PTPRT: variants seen among roughly 807,000 people sequenced by gnomAD.
The protein encoded by PTPRT is protein tyrosine phosphatase receptor type T, also known as receptor-type tyrosine-protein phosphatase T.
A neutral mutation model predicts 176.8 loss-of-function variants in PTPRT; 56 were observed. The ratio of observed to expected loss-of-function variants is 0.32; its 90% CI spans 0.26 to 0.40. The LOEUF is 0.40. Ranked by LOEUF, PTPRT falls within the 10% of genes least tolerant of loss-of-function variation. The probability of loss-of-function intolerance (pLI) is 1.00; values close to 1 mark genes in which losing one functional copy is unlikely to be tolerated. For synonymous variants in PTPRT, 783 were observed against 739.0 expected (o/e 1.06, Z -0.96); for missense variants, 1,540 against 1,908.2 (o/e 0.81, Z 3.60).
chr20:42,879,159 T>C (rs2078976651), intron 2 of PTPRT, among the ~76,000 whole-genome samples: 1 of 152,188 alleles, frequency 6.6e-6, no homozygotes, highest in Non-Finnish European at 1.5e-5. Context: ...GGTTTTAGTT[T>C]CCTAGAACTG....
At chr20:42,541,500 T>C (rs1311406180) in intron 7 of PTPRT, among the ~76,000 whole-genome samples, 2 of 145,818 alleles carry the variant, frequency 1.4e-5, no homozygotes, top group East Asian at 3.9e-4. Context: ...TATCTAGTAC[T>C]AGTGTACTAG....
At chr20:42,136,382 TGA>T (rs904731825) in intron 18 of PTPRT, among the ~76,000 whole-genome samples, 1 of 152,132 alleles carries the variant, frequency 6.6e-6, no homozygotes, top group African/African-American at 2.4e-5. Flanking sequence ...GTAATTCTGC[TGA>T]GACTGCCTGG....
chr20:42,624,810 A>T, intron 7 of PTPRT, among the ~76,000 whole-genome samples: 1 of 152,198 alleles, frequency 6.6e-6, no homozygotes, highest in South Asian at 2.1e-4. Flanking sequence ...TCACAGCCAC[A>T]TTCCACAAAG....
chr20:42,782,310 T>A (rs1350050329), intron 3 of PTPRT, among the ~76,000 whole-genome samples: 1 of 152,174 alleles, frequency 6.6e-6, no homozygotes, highest in Non-Finnish European at 1.5e-5. Context: ...CAGCTGCCAA[T>A]GCACTGATAA....
intron 7 of PTPRT, among the ~76,000 whole-genome samples, chr20:42,598,813 T>C (rs928687407): frequency 2.6e-5 from 4 of 152,194 alleles, no homozygotes; most frequent in Admixed American, 6.5e-5. Flanking sequence ...CCTTCTATTG[T>C]GGCTGCCTCG....
intron 13 of PTPRT, among the ~76,000 whole-genome samples, chr20:42,275,966 GT>G (rs1036213946): frequency 3.9e-5 from 6 of 152,038 alleles, no homozygotes; most frequent in Admixed American, 3.9e-4. Flanking sequence ...ACCTCCAAAA[GT>G]TTGACAAGAT....
In PTPRT at chr20:43,189,485, A is replaced by T. The variant is rs2015482813; in HGVS notation, c.88+161T>A. Among the ~76,000 whole-genome samples, 1 of 151,394 alleles carries T rather than the reference A, an allele frequency of 6.6e-6. No individual in the cohort carries two copies. Among genetic ancestry groups the T allele is most frequent in the South Asian group, 2.1e-4 (1 of 4,784 alleles). ...CTCGCTGGCCGGGGCGCGCGGGGAC[A>T]CTGCTTCCCGCGCCTGCAAGCTGAG... On this transcript the variant is annotated intron_variant, in intron 1 of 30. Coordinates refer to ENST00000373187, the MANE Select transcript of PTPRT (RefSeq NM_007050.6). The surrounding 1 kb of genome is among the most constrained non-coding windows in gnomAD (Gnocchi z 5.0).
chr20:43,129,652 T>A (rs2013578625), intron 1 of PTPRT, among the ~76,000 whole-genome samples: 1 of 123,732 alleles, frequency 8.1e-6, no homozygotes, highest in Non-Finnish European at 1.6e-5. Flanking sequence ...GGAGTCTCGC[T>A]CTGTCGCCCA....
chr20:42,906,966 A>T (rs1440761438), intron 1 of PTPRT, among the ~76,000 whole-genome samples: 1 of 152,152 alleles, frequency 6.6e-6, no homozygotes, highest in African/African-American at 2.4e-5. Flanking sequence ...ACCGCATCTA[A>T]CAAAGAGCAC....
chr20:42,386,141 A>G (rs184493626), intron 9 of PTPRT, among the ~76,000 whole-genome samples: 3 of 152,366 alleles, frequency 2.0e-5, no homozygotes, highest in African/African-American at 7.2e-5. Context: ...CATGCAGGAC[A>G]TCATCAGAAG....
At chr20:42,888,663 A>T (rs934756048) in intron 1 of PTPRT, among the ~76,000 whole-genome samples, 20 of 152,188 alleles carry the variant, frequency 1.3e-4, no homozygotes, top group African/African-American at 4.6e-4. Context: ...TTTCACTTAT[A>T]AGGTAATAAG....
chr20:42,793,566 G>A (rs1363048447), intron 2 of PTPRT, among the ~76,000 whole-genome samples: 1 of 152,204 alleles, frequency 6.6e-6, no homozygotes, highest in East Asian at 1.9e-4. Flanking sequence ...GAACAAAGGT[G>A]CGGGTGTCTT....
chr20:43,006,147 G>A lies in PTPRT; in HGVS notation c.89-120215C>T, dbSNP rs540887885. ...ATATATTTCCTACGTTTTCCACCTC[G>A]ACATATTTTTAAAGTTTTGACATTG... is the stretch of plus-strand genomic sequence containing the variant. On this transcript the variant is annotated intron_variant, in intron 1 of 30. Transcript: ENST00000373187. Among the ~76,000 whole-genome samples the A allele has an allele frequency of 2.6e-5, 4 of 152,016 alleles. 1 individual carries two copies. The highest frequency in any genetic ancestry group is 4.1e-4 in the South Asian group (2 of 4,828).
At chr20:42,988,441 A>T (rs899719239) in intron 1 of PTPRT, among the ~76,000 whole-genome samples, 3 of 152,156 alleles carry the variant, frequency 2.0e-5, no homozygotes, top group African/African-American at 7.2e-5. Flanking sequence ...TCTCTCAGGG[A>T]CAGGGTCATG....
chr20:42,615,606 CT>C (rs2074059495), intron 7 of PTPRT, among the ~76,000 whole-genome samples: 1 of 134,572 alleles, frequency 7.4e-6, no homozygotes, highest in Admixed American at 7.1e-5. Flanking sequence ...CTGTTGTTTC[CT>C]GACTTTTTAA....
At chr20:43,150,157 G>A (rs1277348186) in intron 1 of PTPRT, among the ~76,000 whole-genome samples, 2 of 152,146 alleles carry the variant, frequency 1.3e-5, no homozygotes, top group Non-Finnish European at 2.9e-5. Context: ...GTAAGGCTGG[G>A]CCCAAGATCC....
At chr20:42,939,005 C>T (rs1980380911) in intron 1 of PTPRT, among the ~76,000 whole-genome samples, 1 of 152,184 alleles carries the variant, frequency 6.6e-6, no homozygotes, top group African/African-American at 2.4e-5. Context: ...AATAAAGAAG[C>T]CATTTAGTAC....
intron 13 of PTPRT, among the ~76,000 whole-genome samples, chr20:42,256,781 A>G (rs1014436574): frequency 3.3e-5 from 5 of 152,292 alleles, no homozygotes; most frequent in Non-Finnish European, 5.9e-5. Flanking sequence ...TGGTAGTATC[A>G]GGAAGCCACT....
intron 7 of PTPRT, among the ~76,000 whole-genome samples, chr20:42,491,084 G>GA (rs916346304): frequency 1.3e-5 from 2 of 151,658 alleles, no homozygotes; most frequent in African/African-American, 4.8e-5. Flanking sequence ...CACGAACATT[G>GA]AAAAAAAACT....
Sources: gnomAD v4.1 joint callset for allele counts (sites outside exome capture counted in the v4.1 genomes callset) on GRCh38, gnomAD v4.1.1 for gene constraint, Gnocchi (gnomAD v3.1) non-coding constraint, MANE v1.5 for transcripts, NCBI Gene and HGNC (gene_info 2026-07-23, HGNC 2026-07-21) for gene names.